FLACC1: variants seen among roughly 807,000 people sequenced by gnomAD.
FLACC1 encodes the protein flagellum-associated coiled-coil domain-containing protein 1.
Under a neutral mutation model 62.8 loss-of-function variants are expected in FLACC1, and 66 were observed. That is an observed-to-expected ratio of 1.05 (90% CI 0.86 to 1.29). The LOEUF is 1.29. FLACC1 is among the 50% of genes most tolerant of loss of function. The probability of loss-of-function intolerance (pLI) is 0.00; values close to 1 mark genes in which losing one functional copy is unlikely to be tolerated. For synonymous variants in FLACC1, 156 were observed against 161.0 expected (o/e 0.97, Z 0.24); for missense variants, 452 against 489.1 (o/e 0.92, Z 0.71).
At chr2:201,349,967 G>C (rs1950992733) in intron 3 of FLACC1, among the ~76,000 whole-genome samples, 1 of 152,220 alleles carries the variant, frequency 6.6e-6, no homozygotes, top group Admixed American at 6.5e-5. Context: ...TCTGAGGTTT[G>C]CAAGAAATCA....
chr2:201,304,809 C>T (rs778778466), intron 11 of FLACC1, among the ~76,000 whole-genome samples: 8 of 152,056 alleles, frequency 5.3e-5, no homozygotes, highest in Non-Finnish European at 1.0e-4. Context: ...CTTTGACAAA[C>T]CTGACAAAAA....
chr2:201,355,635 G>A (rs925597604), intron 1 of FLACC1, among the ~76,000 whole-genome samples: 1 of 152,102 alleles, frequency 6.6e-6, no homozygotes, highest in Admixed American at 6.5e-5. Context: ...TGAGGTGGGA[G>A]AGTCGCTTGA....
intron 3 of FLACC1, 43 bp downstream of exon 3, chr2:201,350,668 G>A (rs761575084): frequency 3.3e-6 from 2 of 610,990 alleles, no homozygotes; most frequent in Non-Finnish European, 5.3e-6. Flanking sequence ...GCAACAGAGT[G>A]AGACTCCATC....
intron 7 of FLACC1, among the ~76,000 whole-genome samples, chr2:201,336,610 T>C (rs1001093156): frequency 5.9e-5 from 9 of 152,232 alleles, no homozygotes; most frequent in African/African-American, 1.9e-4. Context: ...GTGGCTGAAC[T>C]AATTAACATC....
intron 3 of FLACC1, 122 bp from the exon 4 acceptor site, chr2:201,348,424 A>AT (rs112503110): frequency 0.069 from 66,526 of 966,728 alleles, 2,790 homozygotes; most frequent in African/African-American, 0.12. Context: ...TTCTTAGGGG[A>AT]TCCCTAGGAT....
At chr2:201,334,953 A>C (rs535778757) in intron 7 of FLACC1, among the ~76,000 whole-genome samples, 1 of 152,216 alleles carries the variant, frequency 6.6e-6, no homozygotes, top group Admixed American at 6.5e-5. Flanking sequence ...GCTTTTTATT[A>C]CTTATTCAAT....
intron 12 of FLACC1, 139 bp downstream of exon 12, chr2:201,299,099 C>T: frequency 1.3e-6 from 1 of 767,450 alleles, no homozygotes; most frequent in Non-Finnish European, 2.1e-6. Context: ...CTTATTGAAT[C>T]CAGTAAACTC....
intron 9 of FLACC1, among the ~76,000 whole-genome samples, chr2:201,314,435 A>C (rs1428766362): frequency 6.6e-6 from 1 of 152,236 alleles, no homozygotes; most frequent in Non-Finnish European, 1.5e-5. Context: ...AAGCACAAGA[A>C]AGAACTCAGA....
chr2:201,346,661 C>T lies in FLACC1; in HGVS notation c.249G>A (p.Val83=), dbSNP rs552883600. The T allele has an allele frequency of 2.5e-6, 4 of 1,614,164 alleles. No individual in the cohort carries two copies. The African/African-American group carries it at 4.0e-5, about 16-fold the overall frequency. The change falls in exon 5 of 15, where the codon GTG becomes GTA. Residue 83 remains valine (V), a synonymous_variant. Coordinates refer to ENST00000392257, the MANE Select transcript of FLACC1 (RefSeq NM_001127391.3). The surrounding 1 kb of genome is among the most constrained non-coding windows in gnomAD (Gnocchi z 4.0). ...TNKSFYEVIN[V]SPGYQLVRNR... Reference sequence around the variant, plus strand: ...TCCGAACAAGTTGATAGCCAGGTGACACGTTGATCACTTCCTAGGCATCAA... The same window carrying T: ...TCCGAACAAGTTGATAGCCAGGTGATACGTTGATCACTTCCTAGGCATCAA...
At chr2:201,352,447 A>G (rs549313369) in intron 1 of FLACC1, among the ~76,000 whole-genome samples, 64 of 152,342 alleles carry the variant, frequency 4.2e-4, no homozygotes, top group African/African-American at 1.5e-3. Flanking sequence ...ATCCAACTAA[A>G]ATTAGAGTAC....
chr2:201,288,500 T>G lies in FLACC1; in HGVS notation c.*155A>C. Reference sequence around the variant, plus strand: ...TCCGTGATAAGCTGTGAAATTCAGATGCGAATTCAAACATTTTCAGACATT... The same window carrying G: ...TCCGTGATAAGCTGTGAAATTCAGAGGCGAATTCAAACATTTTCAGACATT... On this transcript the variant is annotated 3_prime_UTR_variant, in exon 15 of 15. Coordinates refer to ENST00000392257, the MANE Select transcript of FLACC1 (RefSeq NM_001127391.3). 1.1e-6 allele frequency: 1 copy of G among 874,698 alleles called. No homozygotes were observed. Among genetic ancestry groups the G allele is most frequent in the Non-Finnish European group, 1.7e-6 (1 of 594,612 alleles). The allele number at this position is 874,698 out of a possible 1,614,324, so 54.2% of individuals were successfully genotyped here. A position where few individuals can be genotyped will look rare whatever the true frequency, so the allele number is the denominator to read the frequency against.
At chr2:201,352,799 A>T (rs1306000443) in intron 1 of FLACC1, among the ~76,000 whole-genome samples, 2 of 152,224 alleles carry the variant, frequency 1.3e-5, no homozygotes, top group Non-Finnish European at 2.9e-5. Context: ...TGGCAAAAGC[A>T]GCTGTGATTA....
intron 12 of FLACC1, among the ~76,000 whole-genome samples, chr2:201,291,026 C>T (rs1949722412): frequency 6.6e-6 from 1 of 152,172 alleles, no homozygotes; most frequent in Non-Finnish European, 1.5e-5. Flanking sequence ...AACAAAGTGG[C>T]CAGGAAGCTC....
intron 12 of FLACC1, among the ~76,000 whole-genome samples, chr2:201,291,643 C>G (rs557796543): frequency 6.6e-6 from 1 of 152,224 alleles, no homozygotes; most frequent in Admixed American, 6.5e-5. Flanking sequence ...AGGAATGCAG[C>G]TCCTCGCCAG....
rs369249173 is a variant in FLACC1 at position 201,299,292 on chromosome 2, C to G, written c.888G>C (p.Leu296Phe). 1.2e-5 allele frequency: 19 copies of G among 1,613,676 alleles called. No homozygotes were observed. The African/African-American group carries it at 1.9e-4, about 16-fold the overall frequency. Residue 296 changes from leucine to phenylalanine, a missense_variant, in exon 12 of 15, where the codon TTG becomes TTC. By Grantham distance (22) the Leu-to-Phe change is conservative (BLOSUM62 0). Around this residue, in one of 3 missense-constraint regions of FLACC1, gnomAD observed 301 missense variants for 318.4 expected, o/e 0.95. Coordinates refer to ENST00000392257, the MANE Select transcript of FLACC1 (RefSeq NM_001127391.3). Reference sequence around the variant, plus strand: ...GCAAGGTGTCACTTTGATGTTGTTTCAAGAGCTCCTAAAAACAATTTTATT... The same window carrying G: ...GCAAGGTGTCACTTTGATGTTGTTTGAAGAGCTCCTAAAAACAATTTTATT... ...ENFIQEKEEL[L>F]KQHQSDTLQL...
rs527887651 is a variant in FLACC1, at chr2:201,354,280, T to C, written c.-48+2702A>G. ...GCTAGATGCTGGTTGGACCTTGCCC[T>C]CAGGGAGCTTGCAGTCAGCAGAGGA... On this transcript the variant is annotated intron_variant, in intron 1 of 14. Coordinates refer to ENST00000392257, the MANE Select transcript of FLACC1 (RefSeq NM_001127391.3). Among the ~76,000 whole-genome samples, 57 of 152,288 alleles carry C rather than the reference T, an allele frequency of 3.7e-4. No homozygotes were observed. In the South Asian group the frequency reaches 0.011, roughly 30 times the overall value.
intron 9 of FLACC1, among the ~76,000 whole-genome samples, chr2:201,330,155 G>A (rs1320653771): frequency 6.6e-6 from 1 of 152,178 alleles, no homozygotes; most frequent in East Asian, 1.9e-4. Flanking sequence ...TTCTAACAAA[G>A]TACAAATATT....
At chr2:201,314,298 T>C (rs6731174) in intron 9 of FLACC1, among the ~76,000 whole-genome samples, 2 of 147,404 alleles carry the variant, frequency 1.4e-5, no homozygotes, top group Non-Finnish European at 3.0e-5. Flanking sequence ...TAAAAAAAAA[T>C]GATACAAGAA....
upstream of FLACC1, among the ~76,000 whole-genome samples, chr2:201,357,822 G>A (rs539838778): frequency 6.6e-6 from 1 of 151,688 alleles, no homozygotes; most frequent in Non-Finnish European, 1.5e-5. Flanking sequence ...TTTAAATAAA[G>A]CTGCTTTTTC....
Sources: allele counts gnomAD v4.1 joint callset (sites outside exome capture counted in the v4.1 genomes callset), GRCh38; gene constraint gnomAD v4.1.1; regional missense constraint gnomAD v4.1.1; non-coding constraint Gnocchi (gnomAD v3.1); transcripts MANE v1.5; gene names NCBI Gene and HGNC (gene_info 2026-07-23, HGNC 2026-07-21).